Variants in MTDH observed in about 807,000 individuals in gnomAD.
MTDH encodes metadherin.
Under a neutral mutation model 72.7 loss-of-function variants are expected in MTDH, and 34 were observed. The ratio of observed to expected loss-of-function variants is 0.47; its 90% CI spans 0.36 to 0.62. MTDH has a LOEUF of 0.62. Ranked by LOEUF, MTDH falls within the 20% of genes least tolerant of loss-of-function variation. MTDH has a pLI of 0.00. For synonymous variants in MTDH, 266 were observed against 268.9 expected (o/e 0.99, Z 0.10); for missense variants, 677 against 699.4 (o/e 0.97, Z 0.36).
At chr8:97,682,268 A>G (rs1488090599) in intron 2 of MTDH, among the ~76,000 whole-genome samples, 47 of 6,372 alleles carry the variant, frequency 7.4e-3, no homozygotes, top group African/African-American at 0.023. Flanking sequence ...ATATATATAT[A>G]TATATATATA....
intron 1 of MTDH, 80 bp downstream of exon 1, chr8:97,644,967 C>A: frequency 7.0e-7 from 1 of 1,435,034 alleles, no homozygotes; most frequent in Non-Finnish European, 9.1e-7. Flanking sequence ...GGCCGCGCCC[C>A]AGCCGGGAAG....
At chr8:97,656,430 G>A (rs984116650) in intron 1 of MTDH, among the ~76,000 whole-genome samples, 15 of 148,934 alleles carry the variant, frequency 1.0e-4, no homozygotes, top group Admixed American at 1.4e-4. Context: ...TCAGCCTCCC[G>A]AGTCTGGGAC....
chr8:97,698,253 A>G (rs901387352), intron 6 of MTDH, among the ~76,000 whole-genome samples: 30 of 152,342 alleles, frequency 2.0e-4, no homozygotes, highest in African/African-American at 7.0e-4. Context: ...TATCAGAGTC[A>G]TCTAAGGACT....
rs533919424 is a variant in MTDH, at chr8:97,667,812, C to T, written c.483+6639C>T. 8.4e-5 allele frequency among the ~76,000 whole-genome samples: 11 copies of T among 130,962 alleles called. No individual in the cohort carries two copies. The East Asian group carries it at 9.0e-4, about 11-fold the overall frequency. The allele number at this position is 130,962 out of a possible 152,430, so 85.9% of individuals were successfully genotyped here. On this transcript the variant is annotated intron_variant, in intron 2 of 11. Transcript: ENST00000336273. ...TTCAAGACTAGCCTGGGCAACATAG[C>T]GAGACCCTGTCTCTATATTAAAAAA...
chr8:97,674,367 T>G (rs1440526751), intron 2 of MTDH, among the ~76,000 whole-genome samples: 2 of 152,218 alleles, frequency 1.3e-5, no homozygotes, highest in African/African-American at 4.8e-5. Flanking sequence ...TTAAGGAGAT[T>G]TGTGACAGTT....
At chr8:97,686,932 A>G (rs544961808) in intron 3 of MTDH, among the ~76,000 whole-genome samples, 180 bp downstream of exon 3, 1 of 151,076 alleles carries the variant, frequency 6.6e-6, no homozygotes, top group Non-Finnish European at 1.5e-5. Flanking sequence ...AGGATCCAGT[A>G]GTGCTTTTTC....
chr8:97,695,961 T>G (rs1298394404), intron 6 of MTDH, among the ~76,000 whole-genome samples: 1 of 152,248 alleles, frequency 6.6e-6, no homozygotes, highest in Admixed American at 6.5e-5. Flanking sequence ...AGCTGTTTTC[T>G]AGCTATCAGC....
chr8:97,727,307 CTGGCCAATA>C lies in MTDH; in HGVS notation c.*2641_*2649del, dbSNP rs914186421. 4 of 151,810 alleles carry C rather than the reference CTGGCCAATA, an allele frequency of 2.6e-5. No individual in the cohort carries two copies. The highest frequency in any genetic ancestry group is 7.2e-5 in the African/African-American group (3 of 41,390). 9.4% of individuals were successfully genotyped at this position (151,810 alleles called of 1,614,324 possible). ...CTGAGGTCAGGAGTTTGAGACCAGC[CTGGCCAATA>C]TGGTGAAACCCCATCTCTACAAAAT... On this transcript the variant is annotated 3_prime_UTR_variant, in exon 12 of 12. Transcript: ENST00000336273.
rs764010802 is a variant in MTDH, at chr8:97,691,067, T to A, written c.927T>A (p.Pro309=). The A allele has an allele frequency of 9.9e-6, 16 of 1,614,064 alleles. No individual in the cohort carries two copies. Among genetic ancestry groups the A allele is most frequent in the Non-Finnish European group, 1.3e-5 (15 of 1,180,028 alleles). The part of the protein sequence containing the change: ...AGEEKWNSVS[P]ASAGKRKTEP... ...AGGAGAAGTGGAACTCCGTTTCACC[T>A]GCTTCTGCAGGAAAGAGGAAAACTG... is the stretch of plus-strand genomic sequence containing the variant. Residue 309 remains proline, a synonymous_variant, in exon 6 of 12, where the codon CCT becomes CCA. Transcript: ENST00000336273.
At chr8:97,716,893 G>A (rs1382164781) in intron 9 of MTDH, among the ~76,000 whole-genome samples, 1 of 151,846 alleles carries the variant, frequency 6.6e-6, no homozygotes, top group Admixed American at 6.6e-5. Context: ...TGTTACCCAG[G>A]CTATCCCAAA....
At chr8:97,661,385 A>G (rs939531640) in intron 2 of MTDH, among the ~76,000 whole-genome samples, 4 of 152,240 alleles carry the variant, frequency 2.6e-5, no homozygotes, top group Non-Finnish European at 5.9e-5. Context: ...TATTTTAAAC[A>G]TTGCTGTGGC....
At chr8:97,696,600 G>A (rs1813841482) in intron 6 of MTDH, among the ~76,000 whole-genome samples, 1 of 152,076 alleles carries the variant, frequency 6.6e-6, no homozygotes, top group African/African-American at 2.4e-5. Flanking sequence ...ATGTAGTCCT[G>A]CCATACTTTT....
chr8:97,711,116 G>A (rs1194615688), intron 8 of MTDH, among the ~76,000 whole-genome samples: 1 of 152,126 alleles, frequency 6.6e-6, no homozygotes, highest in East Asian at 1.9e-4. Context: ...CCTGCAGAAT[G>A]CTATTTTCAA....
chr8:97,691,391 A>C (rs1302313484), intron 6 of MTDH, among the ~76,000 whole-genome samples: 2 of 152,200 alleles, frequency 1.3e-5, no homozygotes, highest in Non-Finnish European at 2.9e-5. Flanking sequence ...TACTCTTTAC[A>C]TAGTGCTTTC....
chr8:97,646,446 G>T (rs1417340858), intron 1 of MTDH, among the ~76,000 whole-genome samples: 1 of 151,886 alleles, frequency 6.6e-6, no homozygotes, highest in African/African-American at 2.4e-5. Flanking sequence ...TGAAAATAGA[G>T]AACCTTGCTC....
chr8:97,718,949 G>A (rs1247853152), intron 9 of MTDH, 100 bp from the exon 10 acceptor site: 26 of 1,078,500 alleles, frequency 2.4e-5, no homozygotes, highest in African/African-American at 3.3e-5. Context: ...ACCCACCTCC[G>A]CCTCCCAGAG....
intron 2 of MTDH, among the ~76,000 whole-genome samples, chr8:97,666,628 G>C (rs139661311): frequency 5.3e-5 from 8 of 152,158 alleles, no homozygotes; most frequent in Non-Finnish European, 8.8e-5. Context: ...GTGCAAAAGC[G>C]ATAATAGGTA....
chr8:97,667,966 T>C (rs1812457497), intron 2 of MTDH, among the ~76,000 whole-genome samples: 2 of 151,918 alleles, frequency 1.3e-5, no homozygotes, highest in Non-Finnish European at 2.9e-5. Flanking sequence ...AAAAAATATA[T>C]GTTGTTTAAT....
At chr8:97,682,230 T>TTATATATATATATATA (rs71271143) in intron 2 of MTDH, among the ~76,000 whole-genome samples, 3 of 33,732 alleles carry the variant, frequency 8.9e-5, no homozygotes, top group African/African-American at 2.5e-4. Context: ...GTTAATTACT[T>TTATATATATATATATA]TATATATATA....
Sources: allele counts gnomAD v4.1 joint callset (sites outside exome capture counted in the v4.1 genomes callset), GRCh38; gene constraint gnomAD v4.1.1; transcripts MANE v1.5; gene names NCBI Gene and HGNC (gene_info 2026-07-23, HGNC 2026-07-21).